ATP10D: variants seen among roughly 807,000 people sequenced by gnomAD.
ATP10D encodes the protein phospholipid-transporting ATPase VD.
A neutral mutation model predicts 144.8 loss-of-function variants in ATP10D; 89 were observed. The observed-to-expected ratio is 0.61, with a 90% CI of 0.52 to 0.73. The LOEUF (loss-of-function observed/expected upper bound fraction) is 0.73, where lower values mean the gene tolerates loss of function less well. Among genes scored for constraint, ATP10D ranks in the 30% least tolerant of loss-of-function variants. The probability of loss-of-function intolerance (pLI) is 0.00; values close to 1 mark genes in which losing one functional copy is unlikely to be tolerated. For missense variants in ATP10D, 1,603 were observed against 1,714.8 expected (o/e 0.93, Z 1.15); for synonymous variants, 571 against 615.1 (o/e 0.93, Z 1.06).
chr4:47,570,976 T>G (rs1399978698), intron 16 of ATP10D, among the ~76,000 whole-genome samples: 2 of 152,100 alleles, frequency 1.3e-5, no homozygotes, highest in Non-Finnish European at 2.9e-5. Flanking sequence ...TATGTCTGTT[T>G]TCCCTCTGGA....
chr4:47,537,443 A>G (rs1717914349), intron 9 of ATP10D, among the ~76,000 whole-genome samples: 1 of 152,156 alleles, frequency 6.6e-6, no homozygotes, highest in Admixed American at 6.6e-5. Context: ...GTTGAACTTT[A>G]TTAATTTTGC....
chr4:47,527,771 A>C (rs537194329), intron 5 of ATP10D, among the ~76,000 whole-genome samples: 1 of 152,262 alleles, frequency 6.6e-6, no homozygotes. Flanking sequence ...GAACTTGAAC[A>C]CTCATATGCT....
chr4:47,585,956 T>C (rs914524031), intron 21 of ATP10D, among the ~76,000 whole-genome samples: 1 of 152,240 alleles, frequency 6.6e-6, no homozygotes, highest in Non-Finnish European at 1.5e-5. Context: ...GCAGCAAGCA[T>C]AGGAGTGCAG....
intron 9 of ATP10D, among the ~76,000 whole-genome samples, chr4:47,542,528 A>G (rs964101496): frequency 6.6e-6 from 1 of 152,162 alleles, no homozygotes; most frequent in Non-Finnish European, 1.5e-5. Context: ...GCCAGGTTGC[A>G]GTGAAGTGGT....
rs1285977379 is a variant in ATP10D, at chr4:47,536,685, G to A, written c.1144-1G>A. 1 of 1,604,950 alleles carries A rather than the reference G, an allele frequency of 6.2e-7. No homozygotes were observed. The highest frequency in any genetic ancestry group is 1.1e-5 in the South Asian group (1 of 89,436). ...TTTAAAACTTGTTTGGATCTTCTTAGGTCTTGATTCCTATTTCTCTCTATG... is the reference window on the plus strand; with the variant it reads ...TTTAAAACTTGTTTGGATCTTCTTAAGTCTTGATTCCTATTTCTCTCTATG... On this transcript the variant is annotated splice_acceptor_variant, in intron 8 of 22. Coordinates refer to ENST00000273859, the MANE Select transcript of ATP10D (RefSeq NM_020453.4). LOFTEE classifies it high-confidence loss of function.
At chr4:47,549,810 G>A (rs1718633177) in intron 10 of ATP10D, among the ~76,000 whole-genome samples, 1 of 152,252 alleles carries the variant, frequency 6.6e-6, no homozygotes, top group African/African-American at 2.4e-5. Context: ...AATGAGTAGA[G>A]AGAGGTTCAC....
chr4:47,547,983 G>A (rs12507138), intron 10 of ATP10D, among the ~76,000 whole-genome samples: 36,200 of 151,996 alleles, frequency 0.24, 4,316 homozygotes, highest in Admixed American at 0.3. Flanking sequence ...TTCATTCTGT[G>A]TACTCATTAT....
At chr4:47,533,648 A>G (rs1036622268) in intron 5 of ATP10D, among the ~76,000 whole-genome samples, 2 of 152,214 alleles carry the variant, frequency 1.3e-5, no homozygotes, top group Admixed American at 6.6e-5. Flanking sequence ...TGTGAAAACC[A>G]TTACTGTTGC....
intron 15 of ATP10D, among the ~76,000 whole-genome samples, chr4:47,566,132 T>A (rs1285740953): frequency 6.6e-6 from 1 of 152,240 alleles, no homozygotes; most frequent in African/African-American, 2.4e-5. Flanking sequence ...TATAACATTC[T>A]AAGCAGGCAA....
chr4:47,512,604 G>A lies in ATP10D; in HGVS notation c.64G>A (p.Asp22Asn), dbSNP rs1716397731. Residue 22 changes from aspartate to asparagine, a missense_variant, in exon 2 of 23, where the codon GAT becomes AAT. Transcript: ENST00000273859. ...ACGGCTGATCAGAGGTGCAACCAGGGATGATGATTCAGGGCCATACAACTA... is the reference window on the plus strand; with the variant it reads ...ACGGCTGATCAGAGGTGCAACCAGGAATGATGATTCAGGGCCATACAACTA... ...WRRLIRGATR[D>N]DDSGPYNYSS... 3.1e-6 allele frequency: 5 copies of A among 1,613,850 alleles called. No individual in the cohort carries two copies. The African/African-American group carries it at 4.0e-5, about 13-fold the overall frequency.
intron 5 of ATP10D, among the ~76,000 whole-genome samples, chr4:47,526,554 A>G (rs975233263): frequency 3.9e-5 from 6 of 152,202 alleles, no homozygotes; most frequent in Non-Finnish European, 8.8e-5. Flanking sequence ...AAGGAAATGA[A>G]AGATATCAAA....
chr4:47,528,533 A>T (rs1460585033), intron 5 of ATP10D, among the ~76,000 whole-genome samples: 2 of 148,022 alleles, frequency 1.4e-5, no homozygotes, highest in Non-Finnish European at 3.0e-5. Context: ...ATATATACAC[A>T]CCACATTGTC....
intron 19 of ATP10D, among the ~76,000 whole-genome samples, chr4:47,578,143 A>G (rs2109471215): frequency 6.6e-6 from 1 of 152,348 alleles, no homozygotes; most frequent in Middle Eastern, 3.4e-3. Flanking sequence ...CACAGCAGGC[A>G]GATTTTCCCA....
At chr4:47,487,443 T>C (rs951292720) in intron 1 of ATP10D, among the ~76,000 whole-genome samples, 4 of 152,300 alleles carry the variant, frequency 2.6e-5, no homozygotes, top group Admixed American at 2.0e-4. Context: ...TTGTCTGATA[T>C]AGTTGGAAGT....
intron 14 of ATP10D, among the ~76,000 whole-genome samples, chr4:47,562,120 A>G (rs1296301045): frequency 1.3e-5 from 2 of 152,198 alleles, no homozygotes; most frequent in African/African-American, 4.8e-5. Flanking sequence ...ATATAAGACT[A>G]TTTATAGTTA....
chr4:47,514,493 A>C (rs1450673239), intron 2 of ATP10D, among the ~76,000 whole-genome samples: 1 of 152,224 alleles, frequency 6.6e-6, no homozygotes, highest in African/African-American at 2.4e-5. Flanking sequence ...TATTCTTTTG[A>C]GAAGTTTCAT....
chr4:47,538,274 T>C (rs1296502647), intron 9 of ATP10D, among the ~76,000 whole-genome samples: 1 of 152,204 alleles, frequency 6.6e-6, no homozygotes, highest in African/African-American at 2.4e-5. Flanking sequence ...TTGTTCTTGT[T>C]AGTCTGTGGG....
At position 47,512,391 on chromosome 4, in the gene ATP10D, C is replaced by G. The variant is rs899548309; in HGVS notation, c.-37-113C>G. The G allele has an allele frequency of 2.6e-5, 17 of 659,490 alleles. No homozygotes were observed. The East Asian group carries it at 4.7e-4, about 18-fold the overall frequency. 40.9% of individuals were successfully genotyped at this position (659,490 alleles called of 1,614,324 possible). On this transcript the variant is annotated intron_variant, in intron 1 of 22. Coordinates refer to ENST00000273859, the MANE Select transcript of ATP10D (RefSeq NM_020453.4). ...AAGACTACTTTTACTTTCTCCCTTA[C>G]ATGTTGAACCATTGGGTCATATATT...
At chr4:47,552,318 A>G (rs1038484903) in intron 10 of ATP10D, among the ~76,000 whole-genome samples, 2 of 152,224 alleles carry the variant, frequency 1.3e-5, no homozygotes, top group Non-Finnish European at 2.9e-5. Flanking sequence ...GGCTGCCAGA[A>G]CAAAATACCA....
Sources: gnomAD v4.1 joint callset for allele counts (sites outside exome capture counted in the v4.1 genomes callset) on GRCh38, gnomAD v4.1.1 for gene constraint, MANE v1.5 for transcripts, NCBI Gene and HGNC (gene_info 2026-07-23, HGNC 2026-07-21) for gene names.